ZDHHC20: variants seen among roughly 807,000 people sequenced by gnomAD.
ZDHHC20 encodes zDHHC palmitoyltransferase 20.
ZDHHC20 carries 43 observed loss-of-function variants against 57.8 expected under a neutral mutation model. The observed-to-expected ratio is 0.74, with a 90% CI of 0.58 to 0.96. The LOEUF is 0.96. Among genes scored for constraint, ZDHHC20 ranks in the 40% least tolerant of loss-of-function variants. The pLI is 0.00. For synonymous variants in ZDHHC20, 157 were observed against 153.0 expected (o/e 1.03, Z -0.19); for missense variants, 391 against 441.1 (o/e 0.89, Z 1.02).
intron 7 of ZDHHC20, 148 bp downstream of exon 7, chr13:21,400,225 T>C (rs1213425614): frequency 2.4e-5 from 16 of 666,998 alleles, no homozygotes; most frequent in East Asian, 7.2e-5. Context: ...AAGTAAATTG[T>C]AGCCCTATCT....
chr13:21,408,786 A>C (rs770444378), intron 4 of ZDHHC20, among the ~76,000 whole-genome samples: 6 of 152,198 alleles, frequency 3.9e-5, no homozygotes, highest in Non-Finnish European at 7.3e-5. Flanking sequence ...GATGCGTTCC[A>C]TCAATACCTA....
At chr13:21,378,836 C>T in intron 11 of ZDHHC20, 98 bp from the exon 12 acceptor site, 1 of 595,478 alleles carries the variant, frequency 1.7e-6, no homozygotes, top group Non-Finnish European at 2.6e-6. Context: ...AAATGACTAT[C>T]ATGTAAATAC....
intron 8 of ZDHHC20, 144 bp downstream of exon 8, chr13:21,391,578 C>G: frequency 3.7e-6 from 3 of 808,170 alleles, no homozygotes. Flanking sequence ...TCTGCAGTAG[C>G]TGGGATTATT....
At chr13:21,403,690 T>C (rs1025199165) in intron 4 of ZDHHC20, among the ~76,000 whole-genome samples, 2 of 152,100 alleles carry the variant, frequency 1.3e-5, no homozygotes, top group African/African-American at 4.8e-5. Context: ...TTTTTGTTTG[T>C]TTTTTTGTTT....
At chr13:21,390,271 G>T (rs78569409) in intron 8 of ZDHHC20, 1 of 152,094 alleles carries the variant, frequency 6.6e-6, no homozygotes, top group Non-Finnish European at 1.5e-5. Context: ...TCCTTATTTT[G>T]TGTCTTGGTT....
chr13:21,379,778 C>T (rs1872909225), intron 11 of ZDHHC20, among the ~76,000 whole-genome samples: 1 of 151,634 alleles, frequency 6.6e-6, no homozygotes, highest in Non-Finnish European at 1.5e-5. Flanking sequence ...TAAGAGTCAC[C>T]TAGAAAAGGT....
intron 7 of ZDHHC20, among the ~76,000 whole-genome samples, chr13:21,395,483 C>CTTCTT (rs765169199): frequency 1.4e-5 from 2 of 144,130 alleles, no homozygotes; most frequent in Non-Finnish European, 3.0e-5. Context: ...ACCATATTTT[C>CTTCTT]TTCTTTTCTT....
In ZDHHC20 at chr13:21,400,366, G is replaced by A; in HGVS notation, c.594+7C>T. 1 of 1,576,510 alleles carries A rather than the reference G, an allele frequency of 6.3e-7. No homozygotes were observed. Among genetic ancestry groups the A allele is most frequent in the Non-Finnish European group, 8.5e-7 (1 of 1,169,636 alleles). On this transcript the variant is annotated splice_region_variant and intron_variant, in intron 7 of 12. Coordinates refer to ENST00000400590, the MANE Select transcript of ZDHHC20 (RefSeq NM_001330059.2). ...ATACATGTTTCAAGATAGAAAAAAA[G>A]ACTTACCGTCCAAAATTTTATAAAG...
chr13:21,389,037 T>G (rs781249963), intron 8 of ZDHHC20, among the ~76,000 whole-genome samples: 4 of 152,110 alleles, frequency 2.6e-5, no homozygotes, highest in Non-Finnish European at 5.9e-5. Flanking sequence ...GAATAACATA[T>G]TCAAGTTTAA....
At chr13:21,424,485 G>A (rs1421930615) in intron 2 of ZDHHC20, among the ~76,000 whole-genome samples, 5 of 152,122 alleles carry the variant, frequency 3.3e-5, no homozygotes, top group African/African-American at 4.8e-5. Context: ...AGAGGCAGGC[G>A]AATCACGAGG....
intron 7 of ZDHHC20, among the ~76,000 whole-genome samples, chr13:21,398,231 G>C (rs180961885): frequency 6.6e-6 from 1 of 152,122 alleles, no homozygotes; most frequent in Non-Finnish European, 1.5e-5. Context: ...TTGGGAGGTC[G>C]AGGCGGGCAG....
chr13:21,430,760 C>T (rs1881817517), intron 1 of ZDHHC20, among the ~76,000 whole-genome samples: 1 of 151,750 alleles, frequency 6.6e-6, no homozygotes, highest in Non-Finnish European at 1.5e-5. Context: ...TTCTCTAGCA[C>T]ATATATGAAG....
Position 21,383,025 on chromosome 13 carries a change from GAGTAAT to G in ZDHHC20, c.855-22_855-17del. On this transcript the variant is annotated splice_polypyrimidine_tract_variant and intron_variant, in intron 9 of 12. Transcript: ENST00000400590. Reference sequence around the variant, plus strand: ...ATCACCCAAGCTGCATAATGAAAAAGAGTAATAATTTAAATAATGTTAAGTTAAATC... The same window carrying G: ...ATCACCCAAGCTGCATAATGAAAAAGAATTTAAATAATGTTAAGTTAAATC... 6.5e-7 allele frequency: 1 copy of G among 1,547,420 alleles called. No homozygotes were observed. The highest frequency in any genetic ancestry group is 8.7e-7 in the Non-Finnish European group (1 of 1,142,920).
chr13:21,459,129 C>T lies in ZDHHC20; in HGVS notation c.43G>A (p.Gly15Ser), dbSNP rs757923018. ...TLWRCCQRVV[G>S]WVPVLFITFV... ...GTGATGAAGAGCACCGGCACCCAGCCCACGACGCGCTGGCAGCAGCGCCAC... is the reference window on the plus strand; with the variant it reads ...GTGATGAAGAGCACCGGCACCCAGCTCACGACGCGCTGGCAGCAGCGCCAC... The change falls in exon 1 of 13, where the codon GGC (glycine) becomes AGC (serine). Residue 15 changes from glycine to serine, a missense_variant. By Grantham distance (56) the Gly-to-Ser change is moderately conservative. Transcript: ENST00000400590. The T allele has an allele frequency of 2.5e-6, 4 of 1,606,698 alleles. No homozygotes were observed. The highest frequency in any genetic ancestry group is 3.4e-6 in the Non-Finnish European group (4 of 1,177,302).
chr13:21,421,103 A>G lies in ZDHHC20; in HGVS notation c.207T>C (p.Tyr69=), dbSNP rs1880596102. The G allele has an allele frequency of 3.1e-6, 5 of 1,613,190 alleles. No homozygotes were observed. In the African/African-American group the frequency reaches 4.0e-5, roughly 13 times the overall value. Reference sequence around the variant, plus strand: ...CGGGAGATGTGAAAATTGTCATCCAATAGGACCATACAAACATAACAAAGA... The same window carrying G: ...CGGGAGATGTGAAAATTGTCATCCAGTAGGACCATACAAACATAACAAAGA... ...HLFFVMFVWS[Y]WMTIFTSPAS... Residue 69 remains tyrosine (Y), a synonymous_variant, in exon 3 of 13, where the codon TAT becomes TAC. Coordinates refer to ENST00000400590, the MANE Select transcript of ZDHHC20 (RefSeq NM_001330059.2).
chr13:21,438,340 G>A (rs868440124), intron 1 of ZDHHC20, among the ~76,000 whole-genome samples: 1 of 152,150 alleles, frequency 6.6e-6, no homozygotes, highest in Non-Finnish European at 1.5e-5. Flanking sequence ...TTTCATGGGA[G>A]GAGGTCAAAA....
rs146716267 is a variant in ZDHHC20 at position 21,375,348 on chromosome 13, GGTGT to G, written c.*1344_*1347del. 61 of 347,282 alleles carry G rather than the reference GGTGT, an allele frequency of 1.8e-4. No homozygotes were observed. Among genetic ancestry groups the G allele is most frequent in the Middle Eastern group, 1.0e-3 (1 of 974 alleles). The allele number at this position is 347,282 out of a possible 1,614,324, so 21.5% of individuals were successfully genotyped here. A position where few individuals can be genotyped will look rare whatever the true frequency, so the allele number is the denominator to read the frequency against. On this transcript the variant is annotated 3_prime_UTR_variant, in exon 13 of 13. Transcript: ENST00000400590. ...GGAAGCAATCAATTATTTTGGGGGG[GGTGT>G]GTGTGTGTGTGTGTCTGTCTGTCTA... is the stretch of plus-strand genomic sequence containing the variant.
At chr13:21,378,582 AC>A in intron 12 of ZDHHC20, 78 bp downstream of exon 12, 1 of 828,592 alleles carries the variant, frequency 1.2e-6, no homozygotes, top group Non-Finnish European at 1.6e-6. Flanking sequence ...CTAAAAAAAT[AC>A]AACTGCAAAT....
At chr13:21,394,665 T>C (rs945452520) in intron 7 of ZDHHC20, among the ~76,000 whole-genome samples, 1 of 152,224 alleles carries the variant, frequency 6.6e-6, no homozygotes, top group African/African-American at 2.4e-5. Context: ...CACACAAACA[T>C]TGCTGAATTT....
Sources: gnomAD v4.1 joint callset for allele counts (sites outside exome capture counted in the v4.1 genomes callset) on GRCh38, gnomAD v4.1.1 for gene constraint, MANE v1.5 for transcripts, NCBI Gene and HGNC (gene_info 2026-07-23, HGNC 2026-07-21) for gene names.